RP1: variants seen among roughly 807,000 people sequenced by gnomAD.
The protein encoded by RP1 is oxygen-regulated protein 1.
Under a neutral mutation model 14.8 loss-of-function variants are expected in RP1, and 16 were observed. The ratio of observed to expected loss-of-function variants is 1.08; its 90% CI spans 0.73 to 1.65. The LOEUF (loss-of-function observed/expected upper bound fraction) is 1.65. Ranked by LOEUF, RP1 falls within the 40% of genes most tolerant of loss-of-function variation. The pLI, the probability that RP1 is intolerant of heterozygous loss-of-function variation, is 0.00. For missense variants in RP1, 2,631 were observed against 2,535.0 expected (o/e 1.04, Z -0.81); for synonymous variants, 876 against 883.6 (o/e 0.99, Z 0.15).
At chr8:54,636,565 C>T (rs1045086620) in intron 3 of RP1, among the ~76,000 whole-genome samples, 2 of 152,104 alleles carry the variant, frequency 1.3e-5, no homozygotes, top group Non-Finnish European at 2.9e-5. Context: ...TGGTGAAACC[C>T]GTTCTTTACT....
intron 15 of RP1, among the ~76,000 whole-genome samples, chr8:54,716,669 T>C (rs1343310616): frequency 6.6e-6 from 1 of 152,174 alleles, no homozygotes; most frequent in Non-Finnish European, 1.5e-5. Flanking sequence ...AGATCTCCAG[T>C]CCTCTCAATA....
At chr8:54,826,826 T>C (rs979118740) in intron 24 of RP1, among the ~76,000 whole-genome samples, 8 of 152,208 alleles carry the variant, frequency 5.3e-5, no homozygotes, top group African/African-American at 1.9e-4. Context: ...GACAAATATG[T>C]CACAGGTAAT....
At chr8:54,672,327 G>T (rs528699457) in intron 7 of RP1, among the ~76,000 whole-genome samples, 9 of 152,270 alleles carry the variant, frequency 5.9e-5, no homozygotes, top group Non-Finnish European at 1.2e-4. Context: ...TTTCTGTCCT[G>T]AGGGAGGTTC....
chr8:54,744,375 G>C (rs1473967584), intron 19 of RP1, among the ~76,000 whole-genome samples: 1 of 152,154 alleles, frequency 6.6e-6, no homozygotes, highest in Non-Finnish European at 1.5e-5. Flanking sequence ...GCACAGTGGG[G>C]ACATGAGTCA....
At chr8:54,678,179 A>G (rs377011143) in intron 8 of RP1, among the ~76,000 whole-genome samples, 64 of 152,340 alleles carry the variant, frequency 4.2e-4, no homozygotes, top group African/African-American at 1.5e-3. Context: ...AATTAAAAGC[A>G]GCTACAGAAT....
upstream of RP1, chr8:54,616,014 G>C: frequency 6.6e-6 from 1 of 152,192 alleles, no homozygotes; most frequent in Admixed American, 6.5e-5. Context: ...GCTCTGTCTG[G>C]TGATTAGCAT....
At chr8:54,789,371 G>A (rs900895303) in intron 24 of RP1, among the ~76,000 whole-genome samples, 4 of 152,182 alleles carry the variant, frequency 2.6e-5, no homozygotes, top group African/African-American at 9.6e-5. Context: ...TGAGCAATGA[G>A]CCAAGCCAAT....
chr8:54,842,805 A>G (rs1318374635), intron 25 of RP1, among the ~76,000 whole-genome samples: 2 of 151,262 alleles, frequency 1.3e-5, no homozygotes, highest in Non-Finnish European at 3.0e-5. Flanking sequence ...GCTGCCCCCA[A>G]CTCCAGCCTC....
intron 19 of RP1, among the ~76,000 whole-genome samples, chr8:54,740,553 C>A (rs1298771353): frequency 1.3e-5 from 2 of 151,642 alleles, no homozygotes; most frequent in Non-Finnish European, 2.9e-5. Flanking sequence ...GAAATCTCAT[C>A]TCTACTAAAA....
At chr8:54,586,066 A>G (rs1319374545) in intron 1 of RP1, among the ~76,000 whole-genome samples, 1 of 152,082 alleles carries the variant, frequency 6.6e-6, no homozygotes, top group Non-Finnish European at 1.5e-5. Flanking sequence ...GGAGGAGGAG[A>G]GGTGCTCTCA....
At chr8:54,584,707 T>C (rs1021240029) in intron 1 of RP1, among the ~76,000 whole-genome samples, 1 of 152,226 alleles carries the variant, frequency 6.6e-6, no homozygotes, top group Non-Finnish European at 1.5e-5. Flanking sequence ...CATATATATT[T>C]AGGATAGTTA....
intron 24 of RP1, among the ~76,000 whole-genome samples, chr8:54,807,956 C>T (rs974132805): frequency 7.0e-6 from 1 of 143,322 alleles, no homozygotes; most frequent in Admixed American, 7.0e-5. Context: ...TGAGAGTCCA[C>T]AGATTCAAAT....
chr8:54,601,820 A>C (rs1479357648), intron 1 of RP1, among the ~76,000 whole-genome samples: 1 of 152,248 alleles, frequency 6.6e-6, no homozygotes, highest in African/African-American at 2.4e-5. Flanking sequence ...AAGTGAAAAA[A>C]GCCAGCCATA....
At chr8:54,716,887 A>C (rs936869263) in intron 15 of RP1, among the ~76,000 whole-genome samples, 1 of 152,166 alleles carries the variant, frequency 6.6e-6, no homozygotes, top group Non-Finnish European at 1.5e-5. Flanking sequence ...GTTTCCTGGG[A>C]TAGCCCCTCA....
At chr8:54,733,514 T>C (rs1426380631) in intron 17 of RP1, among the ~76,000 whole-genome samples, 1 of 152,180 alleles carries the variant, frequency 6.6e-6, no homozygotes, top group African/African-American at 2.4e-5. Flanking sequence ...ATTTTAAAAT[T>C]AGTTCATTAT....
intron 3 of RP1, 42 bp from the exon 4 acceptor site, chr8:54,624,628 A>G: frequency 6.2e-7 from 1 of 1,602,488 alleles, no homozygotes; most frequent in Non-Finnish European, 8.5e-7. Flanking sequence ...CTTCCATATT[A>G]TATTTTGATG....
chr8:54,633,043 G>A (rs1254002189), downstream of RP1, among the ~76,000 whole-genome samples: 1 of 152,158 alleles, frequency 6.6e-6, no homozygotes, highest in African/African-American at 2.4e-5. Flanking sequence ...GGCACTCTGA[G>A]AGGCTTGCAT....
intron 19 of RP1, chr8:54,739,077 AG>A: frequency 7.5e-7 from 1 of 1,339,942 alleles, no homozygotes; most frequent in Non-Finnish European, 1.0e-6. Context: ...TCTGATGAAA[AG>A]AAGCAAGCTG....
chr8:54,723,272 G>C (rs1808575932), intron 16 of RP1, among the ~76,000 whole-genome samples: 1 of 152,198 alleles, frequency 6.6e-6, no homozygotes, highest in Admixed American at 6.5e-5. Context: ...TTATTAAAAA[G>C]AGGAAGAGCA....
Sources: allele counts gnomAD v4.1 joint callset (sites outside exome capture counted in the v4.1 genomes callset), GRCh38; gene constraint gnomAD v4.1.1; transcripts MANE v1.5; gene names NCBI Gene and HGNC (gene_info 2026-07-23, HGNC 2026-07-21).